Variants in CNGB3 observed in about 807,000 individuals in gnomAD.
CNGB3 encodes cyclic nucleotide gated channel subunit beta 3, also known as cyclic nucleotide-gated channel beta-3.
Under a neutral mutation model 92.8 loss-of-function variants are expected in CNGB3, and 86 were observed. The observed-to-expected ratio is 0.93, with a 90% CI of 0.78 to 1.11. The LOEUF is 1.11. Ranked by LOEUF, CNGB3 falls within the 50% of genes least tolerant of loss-of-function variation. The pLI is 0.00. For missense variants in CNGB3, 1,026 were observed against 956.8 expected (o/e 1.07, Z -0.95); for synonymous variants, 333 against 332.7 (o/e 1.00, Z -0.01).
At chr8:86,671,949 G>C (rs2131619788) in intron 3 of CNGB3, among the ~76,000 whole-genome samples, 1 of 152,294 alleles carries the variant, frequency 6.6e-6, no homozygotes, top group Admixed American at 6.5e-5. Flanking sequence ...TTTGCTAATA[G>C]CTGGGTGGTT....
At chr8:86,671,190 A>C in intron 3 of CNGB3, 92 bp from the exon 4 acceptor site, 3 of 1,420,276 alleles carry the variant, frequency 2.1e-6, no homozygotes, top group Non-Finnish European at 3.0e-6. Flanking sequence ...TTATATATTC[A>C]AGATTATTAA....
intron 15 of CNGB3, among the ~76,000 whole-genome samples, chr8:86,582,165 TG>T (rs915228153): frequency 2.6e-5 from 4 of 152,054 alleles, no homozygotes; most frequent in East Asian, 1.9e-4. Context: ...AAGGCTGAGA[TG>T]GGTGGATCAC....
At position 86,668,085 on chromosome 8, in the gene CNGB3, T is replaced by C. The variant is rs769446058; in HGVS notation, c.577A>G (p.Lys193Glu). Residue 193 changes from lysine (K) to glutamate (E), a missense_variant, in exon 5 of 18, where the codon AAA (lysine) becomes GAA (glutamate). By Grantham distance (56) the Lys-to-Glu change is moderately conservative (BLOSUM62 1). Coordinates refer to ENST00000320005, the MANE Select transcript of CNGB3 (RefSeq NM_019098.5). ...AAGTACTCTGTTAAAGGCATCTTTT[T>C]GACTTTGAACCACAACAGCCTGTAG... ...HYYRLLWFKV[K>E]KMPLTEYLKR... 4.3e-5 allele frequency: 70 copies of C among 1,614,128 alleles called. No homozygotes were observed. The highest frequency in any genetic ancestry group is 5.9e-5 in the Non-Finnish European group (70 of 1,179,998).
At chr8:86,590,440 G>A (rs1366791286) in intron 15 of CNGB3, among the ~76,000 whole-genome samples, 1 of 152,036 alleles carries the variant, frequency 6.6e-6, no homozygotes, top group African/African-American at 2.4e-5. Context: ...AGTCTCGATG[G>A]TCTTTACATT....
intron 13 of CNGB3, among the ~76,000 whole-genome samples, chr8:86,622,224 T>C (rs918870184): frequency 6.6e-6 from 1 of 152,122 alleles, no homozygotes; most frequent in African/African-American, 2.4e-5. Context: ...TACAGTTGAG[T>C]GTTATTTTGC....
intron 3 of CNGB3, among the ~76,000 whole-genome samples, chr8:86,677,218 G>C (rs1436315792): frequency 6.6e-6 from 1 of 152,174 alleles, no homozygotes; most frequent in Non-Finnish European, 1.5e-5. Flanking sequence ...ATAAATATCT[G>C]TTGTTTTAAG....
intron 15 of CNGB3, among the ~76,000 whole-genome samples, chr8:86,595,212 T>G (rs1175565371): frequency 6.6e-6 from 1 of 152,254 alleles, no homozygotes; most frequent in Non-Finnish European, 1.5e-5. Flanking sequence ...TTACTGCTGT[T>G]GTTTTAATGA....
At chr8:86,657,504 G>T (rs1823534559) in intron 6 of CNGB3, 2 of 510,654 alleles carry the variant, frequency 3.9e-6, no homozygotes, top group Middle Eastern at 4.9e-4. Context: ...TGCATAATCT[G>T]CTGTGCAGTG....
At chr8:86,597,947 C>T (rs934615194) in intron 15 of CNGB3, among the ~76,000 whole-genome samples, 2 of 152,044 alleles carry the variant, frequency 1.3e-5, no homozygotes, top group South Asian at 4.2e-4. Flanking sequence ...CACTGAACTC[C>T]AGCCTGGGCG....
Position 86,743,555 on chromosome 8 carries a change from G to GAGA in CNGB3, c.70_72dup (p.Ser24dup). On this transcript the variant is annotated inframe_insertion, in exon 1 of 18. Coordinates refer to ENST00000320005, the MANE Select transcript of CNGB3 (RefSeq NM_019098.5). ...GGGTGAGAGCCTTCTTCATTCCGAC[G>GAGA]AGAACTTTGTTCATTCTCATTGTTC... The GAGA allele has an allele frequency of 6.2e-7, 1 of 1,613,966 alleles. No individual in the cohort carries two copies. Among genetic ancestry groups the GAGA allele is most frequent in the Non-Finnish European group, 8.5e-7 (1 of 1,179,882 alleles).
Position 86,654,042 on chromosome 8 carries a change from C to A in CNGB3, c.873G>T (p.Arg291Ser), listed in dbSNP as rs1823455937. ...ATTTTGTAGAAGTCCTGTAGTGTTT[C>A]CTTAGCTCATTTGAATCCACCTGAA... ...GDIIVDSNEL[R>S]KHYRTSTKFQ... Residue 291 changes from arginine to serine, a missense_variant, in exon 7 of 18, where the codon AGG becomes AGT. Coordinates refer to ENST00000320005, the MANE Select transcript of CNGB3 (RefSeq NM_019098.5). 1 of 1,601,108 alleles carries A rather than the reference C, an allele frequency of 6.2e-7. No individual in the cohort carries two copies.
intron 3 of CNGB3, among the ~76,000 whole-genome samples, chr8:86,700,919 C>A (rs966690222): frequency 1.3e-5 from 2 of 152,128 alleles, no homozygotes; most frequent in South Asian, 2.1e-4. Context: ...GGATTACAGG[C>A]GTGAGCCACT....
chr8:86,657,308 G>A (rs913928108), intron 6 of CNGB3: 1 of 352,614 alleles, frequency 2.8e-6, no homozygotes, highest in Middle Eastern at 9.4e-4. Context: ...TGACTGGGAA[G>A]GGGTGGTAAG....
chr8:86,660,970 C>T (rs981172158), intron 6 of CNGB3, among the ~76,000 whole-genome samples: 1 of 152,172 alleles, frequency 6.6e-6, no homozygotes, highest in Non-Finnish European at 1.5e-5. Flanking sequence ...TCCAGAAACA[C>T]AAATCCAGTA....
intron 16 of CNGB3, 33 bp from the exon 17 acceptor site, chr8:86,578,896 ACT>A (rs1554604789): frequency 1.2e-5 from 20 of 1,613,224 alleles, no homozygotes; most frequent in African/African-American, 8.0e-5. Flanking sequence ...GTTTTAGGTA[ACT>A]CTGTGAGAGT....
At chr8:86,734,968 G>A (rs1825219841) in intron 2 of CNGB3, among the ~76,000 whole-genome samples, 3 of 148,874 alleles carry the variant, frequency 2.0e-5, no homozygotes, top group Non-Finnish European at 4.4e-5. Context: ...GATGTTAAAT[G>A]CCTCAACTAA....
intron 3 of CNGB3, among the ~76,000 whole-genome samples, chr8:86,719,752 T>C (rs1824930515): frequency 6.6e-6 from 1 of 152,080 alleles, no homozygotes; most frequent in South Asian, 2.1e-4. Context: ...AGCTATGCTA[T>C]AAGGTCATAG....
At chr8:86,655,210 C>A (rs1188591428) in intron 6 of CNGB3, among the ~76,000 whole-genome samples, 1 of 152,226 alleles carries the variant, frequency 6.6e-6, no homozygotes, top group Non-Finnish European at 1.5e-5. Flanking sequence ...TCTGGCACTG[C>A]TGTCTCTGCC....
chr8:86,649,220 A>G (rs746957582), intron 7 of CNGB3, among the ~76,000 whole-genome samples: 1 of 151,674 alleles, frequency 6.6e-6, no homozygotes, highest in African/African-American at 2.4e-5. Context: ...GGAAGGATCA[A>G]TATTGTAAAA....
Sources: gnomAD v4.1 joint callset for allele counts (sites outside exome capture counted in the v4.1 genomes callset) on GRCh38, gnomAD v4.1.1 for gene constraint, MANE v1.5 for transcripts, NCBI Gene and HGNC (gene_info 2026-07-23, HGNC 2026-07-21) for gene names.